Variants in CDH13 observed in about 807,000 individuals in gnomAD.
CDH13 encodes the protein cadherin-13.
Under a neutral mutation model 63.8 loss-of-function variants are expected in CDH13, and 24 were observed. The ratio of observed to expected loss-of-function variants is 0.38; its 90% confidence interval spans 0.27 to 0.53. CDH13 has a LOEUF of 0.53. Among genes scored for constraint, CDH13 ranks in the 20% least tolerant of loss-of-function variants. The pLI is 0.85. For missense variants in CDH13, 1,049 were observed against 903.1 expected (o/e 1.16, Z -2.07); for synonymous variants, 503 against 355.3 (o/e 1.42, Z -4.67).
intron 5 of CDH13, among the ~76,000 whole-genome samples, chr16:83,312,866 C>T (rs76411983): frequency 0.026 from 4,029 of 152,064 alleles, 72 homozygotes; most frequent in Non-Finnish European, 0.041. Flanking sequence ...GAGAATTTGA[C>T]CTCAGAAAAT....
At chr16:83,523,375 C>A (rs1236958077) in intron 7 of CDH13, among the ~76,000 whole-genome samples, 1 of 152,182 alleles carries the variant, frequency 6.6e-6, no homozygotes, top group African/African-American at 2.4e-5. Context: ...TTCATGATGA[C>A]CTAGCCCATG....
At chr16:82,732,553 A>C (rs2033458056) in intron 1 of CDH13, among the ~76,000 whole-genome samples, 1 of 152,220 alleles carries the variant, frequency 6.6e-6, no homozygotes, top group African/African-American at 2.4e-5. Flanking sequence ...AGATGAATGG[A>C]ATGGAATGAG....
At chr16:83,012,021 G>A (rs1032446496) in intron 2 of CDH13, among the ~76,000 whole-genome samples, 5 of 151,826 alleles carry the variant, frequency 3.3e-5, no homozygotes, top group Non-Finnish European at 7.4e-5. Flanking sequence ...TTAATTTTAC[G>A]CCCTTTCCCC....
intron 3 of CDH13, among the ~76,000 whole-genome samples, chr16:83,083,635 T>A (rs1261794229): frequency 6.6e-6 from 1 of 152,188 alleles, no homozygotes; most frequent in East Asian, 1.9e-4. Context: ...GAATTTGTAT[T>A]GGAAAAGATG....
chr16:83,307,383 G>T (rs1424472349), intron 5 of CDH13, among the ~76,000 whole-genome samples: 4 of 152,202 alleles, frequency 2.6e-5, no homozygotes, highest in African/African-American at 9.7e-5. Flanking sequence ...GCTCCAGGCA[G>T]TGCTACCTCA....
At chr16:83,486,874 T>G (rs908541772) in intron 7 of CDH13, among the ~76,000 whole-genome samples, 2 of 152,158 alleles carry the variant, frequency 1.3e-5, no homozygotes, top group African/African-American at 4.8e-5. Flanking sequence ...TGGAACTGTT[T>G]GTATTCACTC....
At chr16:82,984,373 T>G (rs967074245) in intron 2 of CDH13, among the ~76,000 whole-genome samples, 2 of 152,212 alleles carry the variant, frequency 1.3e-5, no homozygotes, top group African/African-American at 4.8e-5. Flanking sequence ...TTTAAGACAA[T>G]GTACCTCCGA....
intron 5 of CDH13, among the ~76,000 whole-genome samples, chr16:83,271,884 C>G (rs1010561756): frequency 1.3e-5 from 2 of 152,186 alleles, no homozygotes; most frequent in African/African-American, 2.4e-5. Flanking sequence ...GCCTCTTTAG[C>G]TGGATTAATC....
At chr16:83,623,168 A>G (rs1909967778) in intron 8 of CDH13, among the ~76,000 whole-genome samples, 1 of 152,092 alleles carries the variant, frequency 6.6e-6, no homozygotes. Context: ...GAGGCATACA[A>G]GAGCCCGGTT....
chr16:83,313,500 TAAGATTCAG>T (rs2151887720), intron 5 of CDH13, among the ~76,000 whole-genome samples: 1 of 152,282 alleles, frequency 6.6e-6, no homozygotes, highest in African/African-American at 2.4e-5. Flanking sequence ...TAAAGCAATA[TAAGATTCAG>T]CCAAATAGAG....
chr16:82,772,695 C>A (rs9940236), intron 1 of CDH13, among the ~76,000 whole-genome samples: 2 of 152,206 alleles, frequency 1.3e-5, no homozygotes, highest in Non-Finnish European at 2.9e-5. Context: ...ATCATCCTCA[C>A]TCTAACTATT....
intron 5 of CDH13, among the ~76,000 whole-genome samples, chr16:83,317,888 C>T (rs778722208): frequency 7.9e-5 from 12 of 152,056 alleles, no homozygotes; most frequent in Non-Finnish European, 1.8e-4. Flanking sequence ...ACGAAGTAAT[C>T]TGCTGAAAGT....
At chr16:83,281,255 A>G (rs756431603) in intron 5 of CDH13, among the ~76,000 whole-genome samples, 2 of 152,308 alleles carry the variant, frequency 1.3e-5, no homozygotes, top group African/African-American at 2.4e-5. Flanking sequence ...GCCTAGCACT[A>G]TGTTATAGGG....
intron 4 of CDH13, among the ~76,000 whole-genome samples, chr16:83,131,602 A>T (rs1477693734): frequency 6.6e-6 from 1 of 152,160 alleles, no homozygotes; most frequent in Non-Finnish European, 1.5e-5. Context: ...GATTGAGAGC[A>T]GGGGACTTTA....
chr16:83,480,920 C>G (rs984572365), intron 6 of CDH13, among the ~76,000 whole-genome samples: 3 of 152,222 alleles, frequency 2.0e-5, no homozygotes, highest in Admixed American at 6.5e-5. Flanking sequence ...TGGTCTAAGG[C>G]TTGTCTTCTG....
At chr16:82,679,775 T>C (rs1914343081) in intron 1 of CDH13, among the ~76,000 whole-genome samples, 1 of 152,232 alleles carries the variant, frequency 6.6e-6, no homozygotes, top group African/African-American at 2.4e-5. Flanking sequence ...GTTACCTGTG[T>C]AACTGAACAT....
chr16:83,334,600 T>C (rs2090553138), intron 5 of CDH13, among the ~76,000 whole-genome samples: 1 of 151,302 alleles, frequency 6.6e-6, no homozygotes, highest in Non-Finnish European at 1.5e-5. Flanking sequence ...GGTCTCAAAC[T>C]CCTGGGTTCA....
intron 6 of CDH13, among the ~76,000 whole-genome samples, chr16:83,426,456 C>T (rs1238098519): frequency 6.6e-6 from 1 of 151,756 alleles, no homozygotes; most frequent in Non-Finnish European, 1.5e-5. Context: ...TGGACCATAA[C>T]CTTTTGTTTC....
intron 2 of CDH13, among the ~76,000 whole-genome samples, chr16:82,878,720 A>T (rs1450067400): frequency 6.6e-6 from 1 of 151,412 alleles, no homozygotes; most frequent in African/African-American, 2.4e-5. Flanking sequence ...GGGAACTTAC[A>T]AATCTCCAGG....
Sources: gnomAD v4.1 joint callset for allele counts (sites outside exome capture counted in the v4.1 genomes callset) on GRCh38, gnomAD v4.1.1 for gene constraint, MANE v1.5 for transcripts, NCBI Gene and HGNC (gene_info 2026-07-23, HGNC 2026-07-21) for gene names.